Variants in LYPD6 observed in about 807,000 individuals in gnomAD.
LYPD6 encodes the protein LY6/PLAUR domain containing 6.
LYPD6 carries 15 observed loss-of-function variants against 22.7 expected under a neutral mutation model. The ratio of observed to expected loss-of-function variants is 0.66; its 90% CI spans 0.44 to 1.02. The LOEUF (loss-of-function observed/expected upper bound fraction) is 1.02. LYPD6 is among the 50% of genes least tolerant of loss of function. The pLI is 0.00. For missense variants in LYPD6, 189 were observed against 208.4 expected (o/e 0.91, Z 0.57); for synonymous variants, 72 against 77.5 (o/e 0.93, Z 0.37).
chr2:149,365,846 A>G (rs1681651036), intron 1 of LYPD6, among the ~76,000 whole-genome samples: 1 of 152,210 alleles, frequency 6.6e-6, no homozygotes, highest in Non-Finnish European at 1.5e-5. Context: ...TTGTTCCTCA[A>G]CAACCAATTT....
At chr2:149,426,995 GCA>G (rs1343174925) in intron 1 of LYPD6, among the ~76,000 whole-genome samples, 1 of 152,190 alleles carries the variant, frequency 6.6e-6, no homozygotes, top group Non-Finnish European at 1.5e-5. Context: ...TGCATAGCAG[GCA>G]GCATCTGCTT....
At chr2:149,445,749 T>A (rs1406381553) in intron 2 of LYPD6, among the ~76,000 whole-genome samples, 1 of 152,204 alleles carries the variant, frequency 6.6e-6, no homozygotes, top group Non-Finnish European at 1.5e-5. Context: ...GCTGGTTTGA[T>A]CTTCTATCCA....
intron 1 of LYPD6, among the ~76,000 whole-genome samples, chr2:149,392,356 G>T (rs187859659): frequency 6.6e-6 from 1 of 152,268 alleles, no homozygotes; most frequent in East Asian, 1.9e-4. Flanking sequence ...AGGATGGTCA[G>T]GGCAAGTGTG....
chr2:149,436,594 T>A (rs1231907382), intron 1 of LYPD6, among the ~76,000 whole-genome samples: 1 of 152,198 alleles, frequency 6.6e-6, no homozygotes, highest in African/African-American at 2.4e-5. Context: ...GTTTTTTTTT[T>A]CTGAGATGGA....
chr2:149,476,797 G>C (rs1246399485), downstream of LYPD6, among the ~76,000 whole-genome samples: 1 of 152,140 alleles, frequency 6.6e-6, no homozygotes, highest in African/African-American at 2.4e-5. Flanking sequence ...CATGCCATCC[G>C]CCTCCCCACT....
At chr2:149,421,418 T>C (rs1683076865) in intron 1 of LYPD6, among the ~76,000 whole-genome samples, 3 of 151,650 alleles carry the variant, frequency 2.0e-5, no homozygotes. Context: ...AAAAGTGTGT[T>C]TTTATTTCTT....
intron 1 of LYPD6, among the ~76,000 whole-genome samples, chr2:149,391,375 C>A (rs1384618851): frequency 6.6e-6 from 1 of 151,948 alleles, no homozygotes. Flanking sequence ...TTTTTCCCCC[C>A]CGATAATGGA....
intron 1 of LYPD6, among the ~76,000 whole-genome samples, chr2:149,381,717 A>G (rs923028348): frequency 3.3e-5 from 5 of 152,198 alleles, no homozygotes; most frequent in African/African-American, 1.2e-4. Flanking sequence ...TACATTTGTC[A>G]ATGCTTTTCC....
intron 2 of LYPD6, among the ~76,000 whole-genome samples, chr2:149,445,016 A>G (rs902252346): frequency 3.3e-5 from 5 of 152,228 alleles, no homozygotes; most frequent in African/African-American, 1.2e-4. Context: ...TAAACAATAA[A>G]ACTTGAAACT....
chr2:149,411,692 G>T (rs1325158264), intron 1 of LYPD6, among the ~76,000 whole-genome samples: 10 of 152,156 alleles, frequency 6.6e-5, no homozygotes, highest in African/African-American at 2.4e-4. Context: ...AGCATATTTT[G>T]CAGAATACCA....
chr2:149,435,292 A>G (rs1683405837), intron 1 of LYPD6, among the ~76,000 whole-genome samples: 1 of 152,200 alleles, frequency 6.6e-6, no homozygotes, highest in South Asian at 2.1e-4. Context: ...GGGCTAACTC[A>G]TACACCATGG....
Position 149,437,816 on chromosome 2 carries a change from C to T in LYPD6, c.108C>T (p.Leu36=), listed in dbSNP as rs141293147. The change falls in exon 2 of 5, where the codon CTC becomes CTT. Residue 36 remains leucine (L), a synonymous_variant. Transcript: ENST00000334166. ...TCACAGTGAAAGACATTATCTACCT[C>T]CATCCTTCAAGTAAGACTGTTCTCT... The part of the protein sequence containing the change: ...RDFTVKDIIY[L]HPSTTPYPGG... The T allele has an allele frequency of 8.7e-6, 14 of 1,613,986 alleles. No homozygotes were observed. In the African/African-American group the frequency reaches 1.3e-4, roughly 15 times the overall value.
intron 1 of LYPD6, among the ~76,000 whole-genome samples, chr2:149,428,720 C>T (rs763795068): frequency 2.6e-5 from 4 of 152,164 alleles, no homozygotes; most frequent in Non-Finnish European, 2.9e-5. Context: ...GCAGAAGACC[C>T]GTTCCCGTAA....
intron 1 of LYPD6, among the ~76,000 whole-genome samples, chr2:149,411,966 GTCT>G (rs1310923183): frequency 2.0e-5 from 3 of 152,056 alleles, no homozygotes; most frequent in Non-Finnish European, 4.4e-5. Context: ...ATAGCATATG[GTCT>G]TCTTATTAAA....
In LYPD6 at chr2:149,449,144, C is replaced by G. The variant is rs778004561; in HGVS notation, c.214C>G (p.Arg72Gly). 1 of 1,609,444 alleles carries G rather than the reference C, an allele frequency of 6.2e-7. No individual in the cohort carries two copies. Among genetic ancestry groups the G allele is most frequent in the Admixed American group, 1.7e-5 (1 of 59,798 alleles). The change falls in exon 3 of 5, where the codon CGA becomes GGA. Residue 72 changes from arginine to glycine, a missense_variant. Physicochemically the swap from Arg to Gly is moderately radical, Grantham distance 125. Coordinates refer to ENST00000334166, the MANE Select transcript of LYPD6 (RefSeq NM_194317.5). ...ATGGGCTCCAGACATCTACTGCCCTCGAGGTAAACTCTCAGTAGACTGATT... is the reference window on the plus strand; with the variant it reads ...ATGGGCTCCAGACATCTACTGCCCTGGAGGTAAACTCTCAGTAGACTGATT... ...NRWAPDIYCP[R>G]ETRYCYTQHT...
intron 1 of LYPD6, among the ~76,000 whole-genome samples, chr2:149,354,368 C>A (rs7604875): frequency 6.6e-6 from 1 of 151,978 alleles, no homozygotes; most frequent in African/African-American, 2.4e-5. Context: ...CCACCACACC[C>A]GGCTAATTTT....
intron 1 of LYPD6, among the ~76,000 whole-genome samples, chr2:149,386,285 A>G (rs550997957): frequency 1.3e-5 from 2 of 152,268 alleles, no homozygotes; most frequent in Non-Finnish European, 2.9e-5. Flanking sequence ...CTGCCTGAGC[A>G]TTTCTTCCTC....
intron 1 of LYPD6, among the ~76,000 whole-genome samples, chr2:149,371,006 G>C (rs979900070): frequency 6.6e-6 from 1 of 152,196 alleles, no homozygotes; most frequent in African/African-American, 2.4e-5. Flanking sequence ...ACAAGAATTA[G>C]AAAGCTTTGA....
At chr2:149,361,306 C>T in intron 1 of LYPD6, among the ~76,000 whole-genome samples, 1 of 152,192 alleles carries the variant, frequency 6.6e-6, no homozygotes, top group Non-Finnish European at 1.5e-5. Flanking sequence ...TTAGAGTCAT[C>T]TTTCCTGATG....
Sources: allele counts gnomAD v4.1 joint callset (sites outside exome capture counted in the v4.1 genomes callset), GRCh38; gene constraint gnomAD v4.1.1; transcripts MANE v1.5; gene names NCBI Gene and HGNC (gene_info 2026-07-23, HGNC 2026-07-21).